SUZ12: variants seen among roughly 807,000 people sequenced by gnomAD.
SUZ12 encodes the protein polycomb protein SUZ12.
Under a neutral mutation model 87.3 loss-of-function variants are expected in SUZ12, and 17 were observed. The observed-to-expected ratio is 0.19, with a 90% CI of 0.13 to 0.29. SUZ12 has a LOEUF of 0.29. SUZ12 is among the 10% of genes least tolerant of loss of function. The probability of loss-of-function intolerance (pLI) is 1.00; values close to 1 mark genes in which losing one functional copy is unlikely to be tolerated. For synonymous variants in SUZ12, 253 were observed against 312.4 expected (o/e 0.81, Z 2.01); for missense variants, 526 against 912.2 (o/e 0.58, Z 5.45).
chr17:31,944,226 T>G (rs542725503), intron 3 of SUZ12, among the ~76,000 whole-genome samples: 1 of 151,428 alleles, frequency 6.6e-6, no homozygotes, highest in Non-Finnish European at 1.5e-5. Flanking sequence ...CCTCCTGGGT[T>G]CAAGTGATTC....
At chr17:31,966,225 A>AT (rs775112872) in intron 5 of SUZ12, 29 bp downstream of exon 5, 40 of 1,559,548 alleles carry the variant, frequency 2.6e-5, no homozygotes, top group Admixed American at 2.5e-4. Context: ...ATAAAGTGGC[A>AT]TTTTAATAGC....
Position 31,989,844 on chromosome 17 carries a change from T to C in SUZ12, c.1201+1347T>C, listed in dbSNP as rs999543347. Among the ~76,000 whole-genome samples, 5 of 151,102 alleles carry C rather than the reference T, an allele frequency of 3.3e-5. No individual in the cohort carries two copies. The East Asian group carries it at 5.9e-4, about 18-fold the overall frequency. The stretch of plus-strand genomic sequence containing the variant: ...CAGGATGGTCTCGATCTCCTGACCT[T>C]GTGATCCGCCCGCCTTGGCCTCCCA... On this transcript the variant is annotated intron_variant, in intron 10 of 15. Coordinates refer to ENST00000322652, the MANE Select transcript of SUZ12 (RefSeq NM_015355.4).
chr17:31,963,960 T>G (rs1187884805), intron 4 of SUZ12: 1 of 152,294 alleles, frequency 6.6e-6, no homozygotes, highest in Non-Finnish European at 1.5e-5. Flanking sequence ...CTAACTCTGC[T>G]TGGACCCTTA....
intron 8 of SUZ12, among the ~76,000 whole-genome samples, chr17:31,982,454 G>GTT (rs1328036826): frequency 2.0e-5 from 3 of 152,198 alleles, no homozygotes; most frequent in Non-Finnish European, 2.9e-5. Context: ...GAGGGCAGGA[G>GTT]TTTAAGACCA....
Position 31,947,731 on chromosome 17 carries a change from G to A in SUZ12, c.455+46G>A, listed in dbSNP as rs777176042. Reference sequence around the variant, plus strand: ...ACATTAAGTGATATACTTTAGGAAAGAGGAAAAATTACAGTGATCATTTTC... The same window carrying A: ...ACATTAAGTGATATACTTTAGGAAAAAGGAAAAATTACAGTGATCATTTTC... On this transcript the variant is annotated intron_variant, in intron 4 of 15. Coordinates refer to ENST00000322652, the MANE Select transcript of SUZ12 (RefSeq NM_015355.4). 19 of 1,549,188 alleles carry A rather than the reference G, an allele frequency of 1.2e-5. No individual in the cohort carries two copies. In the South Asian group the frequency reaches 1.9e-4, roughly 16 times the overall value.
chr17:31,970,018 A>T (rs542473838), intron 5 of SUZ12, among the ~76,000 whole-genome samples: 51 of 152,196 alleles, frequency 3.4e-4, no homozygotes, highest in African/African-American at 1.2e-3. Context: ...CCCGGGCTCA[A>T]GCGATCCTCT....
Position 31,976,415 on chromosome 17 carries a change from G to A in SUZ12, c.824-106G>A, listed in dbSNP as rs867908533. 164 of 888,520 alleles carry A rather than the reference G, an allele frequency of 1.8e-4. No individual in the cohort carries two copies. The African/African-American group carries it at 2.4e-3, about 13-fold the overall frequency. 55.0% of individuals were successfully genotyped at this position (888,520 alleles called of 1,614,324 possible). A position where few individuals can be genotyped will look rare whatever the true frequency, so the allele number is the denominator to read the frequency against. Reference sequence around the variant, plus strand: ...TATTATTGCAACTTTAGTGTAATTCGTACCTCATTTGGGATAAATGTAGCA... The same window carrying A: ...TATTATTGCAACTTTAGTGTAATTCATACCTCATTTGGGATAAATGTAGCA... On this transcript the variant is annotated intron_variant, in intron 7 of 15. Coordinates refer to ENST00000322652, the MANE Select transcript of SUZ12 (RefSeq NM_015355.4).
chr17:31,955,758 A>G (rs1278649683), intron 4 of SUZ12, among the ~76,000 whole-genome samples: 1 of 151,726 alleles, frequency 6.6e-6, no homozygotes, highest in Non-Finnish European at 1.5e-5. Context: ...AAAAAAACTT[A>G]CAGTAGAGAT....
In SUZ12 at chr17:31,937,309, G is replaced by A; in HGVS notation, c.63G>A (p.Gly21=). 1 of 1,438,422 alleles carries A rather than the reference G, an allele frequency of 7.0e-7. No individual in the cohort carries two copies. The highest frequency in any genetic ancestry group is 9.0e-7 in the Non-Finnish European group (1 of 1,105,452). The allele number at this position is 1,438,422 out of a possible 1,614,324, so 89.1% of individuals were successfully genotyped here. The part of the protein sequence containing the change: ...GGGSGPSAGS[G]GGGFGGSAAV... ...GCTCGGGGCCCAGCGCGGGGTCCGG[G>A]GGAGGCGGCTTCGGGGGTTCGGCGG... is the stretch of plus-strand genomic sequence containing the variant. The change falls in exon 1 of 16, where the codon GGG becomes GGA. Residue 21 remains glycine (G), a synonymous_variant. Transcript: ENST00000322652.
chr17:31,973,174 A>G lies in SUZ12; in HGVS notation c.534A>G (p.Glu178=), dbSNP rs1344286650. Residue 178 remains glutamate (E), a synonymous_variant, in exon 6 of 16, where the codon GAA becomes GAG. Coordinates refer to ENST00000322652, the MANE Select transcript of SUZ12 (RefSeq NM_015355.4). ...AGCCATCACCAAACTCAGAAAATGA[A>G]CAAAATTCTGTTACCCTGGAAGTCC... is the stretch of plus-strand genomic sequence containing the variant. The part of the protein sequence containing the change: ...NDKPSPNSEN[E]QNSVTLEVLL... The G allele has an allele frequency of 5.6e-5, 88 of 1,557,578 alleles. No homozygotes were observed. Among genetic ancestry groups the G allele is most frequent in the Non-Finnish European group, 7.6e-5 (88 of 1,156,810 alleles).
chr17:31,962,651 T>C (rs1289810280), intron 4 of SUZ12, among the ~76,000 whole-genome samples: 3 of 152,264 alleles, frequency 2.0e-5, no homozygotes, highest in Non-Finnish European at 4.4e-5. Flanking sequence ...CCTCATTTTA[T>C]AGATAACAGA....
intron 9 of SUZ12, among the ~76,000 whole-genome samples, 170 bp downstream of exon 9, chr17:31,983,274 CTTTT>C (rs10681815): frequency 8.5e-6 from 1 of 118,198 alleles, no homozygotes. Flanking sequence ...AGGTATCATT[CTTTT>C]TTTTTTTTTT....
chr17:31,980,955 C>T (rs1909068673), intron 8 of SUZ12, among the ~76,000 whole-genome samples: 1 of 151,668 alleles, frequency 6.6e-6, no homozygotes, highest in Non-Finnish European at 1.5e-5. Context: ...TCTCTTGAGC[C>T]CAGGAGTCTG....
intron 9 of SUZ12, among the ~76,000 whole-genome samples, chr17:31,983,409 G>A (rs1292559768): frequency 2.6e-5 from 4 of 151,452 alleles, no homozygotes; most frequent in African/African-American, 9.7e-5. Flanking sequence ...CCAAGTAGCT[G>A]TGATTCTGTG....
chr17:31,976,401 C>CT (rs1908755405), intron 7 of SUZ12, 120 bp from the exon 8 acceptor site: 2 of 799,816 alleles, frequency 2.5e-6, no homozygotes. Flanking sequence ...ATTATTGCAA[C>CT]TTTAGTGTAA....
intron 4 of SUZ12, among the ~76,000 whole-genome samples, chr17:31,953,192 G>T (rs1304112752): frequency 6.6e-6 from 1 of 151,606 alleles, no homozygotes; most frequent in Non-Finnish European, 1.5e-5. Flanking sequence ...TGCAACCTCC[G>T]CCTCCCAGGT....
intron 8 of SUZ12, among the ~76,000 whole-genome samples, chr17:31,981,703 T>C (rs1304748508): frequency 6.6e-6 from 1 of 152,194 alleles, no homozygotes; most frequent in Non-Finnish European, 1.5e-5. Context: ...AATTCTTAAG[T>C]GTCAATCATT....
At chr17:31,952,843 G>A (rs1181301429) in intron 4 of SUZ12, among the ~76,000 whole-genome samples, 1 of 152,132 alleles carries the variant, frequency 6.6e-6, no homozygotes, top group Admixed American at 6.5e-5. Flanking sequence ...GATTACAGGC[G>A]TGTGGCACCG....
At chr17:31,966,379 GGTGCAGAGTGAAGGCTGGA>G (rs1908087370) in intron 5 of SUZ12, 183 bp downstream of exon 5, 1 of 587,412 alleles carries the variant, frequency 1.7e-6, no homozygotes, top group African/African-American at 1.9e-5. Context: ...GGTGGATGGG[GGTGCAGAGTGAAGGCTGGA>G]GTGCAATGTT....
Sources: gnomAD v4.1 joint callset for allele counts (sites outside exome capture counted in the v4.1 genomes callset) on GRCh38, gnomAD v4.1.1 for gene constraint, MANE v1.5 for transcripts, NCBI Gene and HGNC (gene_info 2026-07-23, HGNC 2026-07-21) for gene names.